The following THEM4 variants were observed in gnomAD, a reference collection of about 807,000 sequenced individuals.
THEM4 encodes acyl-coenzyme A thioesterase THEM4.
Under a neutral mutation model 25.0 loss-of-function variants are expected in THEM4, and 22 were observed. That is an observed-to-expected ratio of 0.88 (90% confidence interval 0.63 to 1.26). The LOEUF is 1.26. THEM4 is among the 50% of genes most tolerant of loss of function. THEM4 has a pLI of 0.00. For missense variants in THEM4, 286 were observed against 300.3 expected (o/e 0.95, Z 0.35); for synonymous variants, 113 against 105.6 (o/e 1.07, Z -0.43).
In THEM4 at chr1:151,892,994, A is replaced by G. The variant is rs796850953; in HGVS notation, c.286+2014T>C. 1.1e-4 allele frequency among the ~76,000 whole-genome samples: 17 copies of G among 152,340 alleles called. 1 individual carries two copies. Among genetic ancestry groups the G allele is most frequent in the African/African-American group, 4.1e-4 (17 of 41,580 alleles). ...TATGTTCAAACAGAAAGGAGTCAAC[A>G]GCTGTGCCAAAAGCTGAGAGGTTAG... On this transcript the variant is annotated intron_variant, in intron 2 of 5. Coordinates refer to ENST00000368814, the MANE Select transcript of THEM4 (RefSeq NM_053055.5).
intron 1 of THEM4, among the ~76,000 whole-genome samples, chr1:151,907,137 C>T (rs10888450): frequency 0.89 from 135,069 of 151,988 alleles, 60,154 homozygotes; most frequent in South Asian, 0.93. Context: ...ACAAACCCAC[C>T]GGGAGGAACG....
At chr1:151,906,480 G>A (rs919890883) in intron 1 of THEM4, among the ~76,000 whole-genome samples, 16 of 152,192 alleles carry the variant, frequency 1.1e-4, no homozygotes, top group African/African-American at 2.2e-4. Flanking sequence ...CCTGCTCCAC[G>A]GCGCCCAGTC....
chr1:151,908,023 G>A (rs1654510816), intron 1 of THEM4, among the ~76,000 whole-genome samples: 1 of 152,196 alleles, frequency 6.6e-6, no homozygotes, highest in Non-Finnish European at 1.5e-5. Flanking sequence ...CCCATTCCAG[G>A]GAGTCTAGCT....
chr1:151,906,685 T>C (rs1484853677), intron 1 of THEM4, among the ~76,000 whole-genome samples: 3 of 152,108 alleles, frequency 2.0e-5, no homozygotes, highest in Admixed American at 2.0e-4. Context: ...TAGCTCAAGG[T>C]TTATAAACAC....
intron 1 of THEM4, among the ~76,000 whole-genome samples, chr1:151,903,128 T>A (rs78212776): frequency 0.01 from 1,555 of 152,232 alleles, 29 homozygotes; most frequent in African/African-American, 0.036. Flanking sequence ...ATTTGTAATC[T>A]TTTTCCATAT....
At chr1:151,885,083 TTTTATTTATTTATTTA>T (rs146473655) in intron 4 of THEM4, among the ~76,000 whole-genome samples, 70,685 of 145,428 alleles carry the variant, frequency 0.49, 17,322 homozygotes, top group East Asian at 0.58. Context: ...TGATTTCATC[TTTTATTTATTTATTTA>T]TTTATTTATT....
intron 1 of THEM4, among the ~76,000 whole-genome samples, chr1:151,901,868 A>C (rs999000650): frequency 4.1e-4 from 63 of 152,284 alleles, no homozygotes; most frequent in African/African-American, 1.3e-3. Context: ...AAAAAAAAAA[A>C]ACAAAAAAAC....
chr1:151,887,471 AT>A (rs531611558), intron 4 of THEM4, among the ~76,000 whole-genome samples: 266 of 151,938 alleles, frequency 1.8e-3, no homozygotes, highest in African/African-American at 6.1e-3. Context: ...AAATAAAAAA[AT>A]CAAAAAGAAT....
intron 2 of THEM4, among the ~76,000 whole-genome samples, chr1:151,892,241 T>C (rs181542033): frequency 9.0e-4 from 137 of 152,208 alleles, no homozygotes; most frequent in African/African-American, 2.7e-3. Flanking sequence ...CTGGAAAACA[T>C]TGACATTTAA....
At chr1:151,902,185 T>G in intron 1 of THEM4, among the ~76,000 whole-genome samples, 1 of 152,258 alleles carries the variant, frequency 6.6e-6, no homozygotes, top group East Asian at 1.9e-4. Flanking sequence ...CTGGTGGGAA[T>G]GTAAACTAGT....
intron 2 of THEM4, among the ~76,000 whole-genome samples, chr1:151,893,309 T>C (rs1331224742): frequency 2.7e-5 from 4 of 149,026 alleles, no homozygotes; most frequent in Admixed American, 6.7e-5. Context: ...GAGGAGGAGG[T>C]TGCAGTGAGC....
At chr1:151,906,191 T>G (rs1654459630) in intron 1 of THEM4, among the ~76,000 whole-genome samples, 1 of 152,128 alleles carries the variant, frequency 6.6e-6, no homozygotes, top group Non-Finnish European at 1.5e-5. Context: ...CCAGCTGGAG[T>G]TCCAGGTGGG....
At chr1:151,902,370 T>G (rs1186960844) in intron 1 of THEM4, among the ~76,000 whole-genome samples, 1 of 152,254 alleles carries the variant, frequency 6.6e-6, no homozygotes, top group Non-Finnish European at 1.5e-5. Context: ...GACTGGAGAC[T>G]ATTATTCTAA....
chr1:151,874,884 C>T lies in THEM4; in HGVS notation c.*4G>A, dbSNP rs761083515. The T allele has an allele frequency of 1.2e-6, 2 of 1,613,512 alleles. No individual in the cohort carries two copies. Among genetic ancestry groups the T allele is most frequent in the Non-Finnish European group, 1.7e-6 (2 of 1,179,680 alleles). ...AGAATGAGATGGAGTTCACCAGCAG[C>T]TCTTTATGTCAGACTTTTAGCAGGA... On this transcript the variant is annotated 3_prime_UTR_variant, in exon 6 of 6. Transcript: ENST00000368814.
intron 1 of THEM4, among the ~76,000 whole-genome samples, chr1:151,907,015 C>T (rs1327181004): frequency 3.3e-5 from 5 of 152,148 alleles, no homozygotes; most frequent in South Asian, 2.1e-4. Context: ...TTTGTTCTTT[C>T]GCTCTTTGCA....
At chr1:151,890,554 G>A (rs370156823) in intron 2 of THEM4, 2 of 175,532 alleles carry the variant, frequency 1.1e-5, no homozygotes, top group East Asian at 3.1e-4. Flanking sequence ...CAGGAGAAGT[G>A]GGGAGAGGGA....
chr1:151,887,975 G>A (rs981250259), intron 4 of THEM4, among the ~76,000 whole-genome samples: 2 of 152,084 alleles, frequency 1.3e-5, no homozygotes, highest in African/African-American at 4.8e-5. Context: ...CAATACATGC[G>A]AGAGTATAAA....
At chr1:151,897,668 A>T (rs1183799418) in intron 1 of THEM4, among the ~76,000 whole-genome samples, 1 of 152,182 alleles carries the variant, frequency 6.6e-6, no homozygotes, top group African/African-American at 2.4e-5. Flanking sequence ...TTAGTTCAAG[A>T]TTGACTGCAA....
intron 4 of THEM4, among the ~76,000 whole-genome samples, chr1:151,883,953 T>C (rs1653902457): frequency 1.3e-5 from 2 of 151,954 alleles, no homozygotes; most frequent in African/African-American, 4.8e-5. Context: ...CCTATGCCTG[T>C]AATCCCAGCT....
Sources: gnomAD v4.1 joint callset for allele counts (sites outside exome capture counted in the v4.1 genomes callset) on GRCh38, gnomAD v4.1.1 for gene constraint, MANE v1.5 for transcripts, NCBI Gene and HGNC (gene_info 2026-07-23, HGNC 2026-07-21) for gene names.